XPO5: variants seen among roughly 807,000 people sequenced by gnomAD.
The protein encoded by XPO5 is exportin-5.
XPO5 carries 46 observed loss-of-function variants against 160.6 expected under a neutral mutation model. The ratio of observed to expected loss-of-function variants is 0.29; its 90% CI spans 0.23 to 0.37. The LOEUF (loss-of-function observed/expected upper bound fraction) is 0.37. Ranked by LOEUF, XPO5 falls within the 10% of genes least tolerant of loss-of-function variation. XPO5 has a pLI of 1.00. For missense variants in XPO5, 1,090 were observed against 1,463.9 expected (o/e 0.74, Z 4.17); for synonymous variants, 537 against 519.3 (o/e 1.03, Z -0.46).
rs373758989 is a variant in XPO5, at chr6:43,533,937, T to C, written c.2413A>G (p.Met805Val). The change falls in exon 21 of 32, where the codon ATG becomes GTG. Residue 805 changes from methionine to valine, a missense_variant. By Grantham distance (21) the Met-to-Val change is conservative. Transcript: ENST00000265351. ...MAEPFTKALDMLDAEKSAILG... is the reference protein window; with the variant it reads ...MAEPFTKALDVLDAEKSAILG... ...ATAGCAGATTTTTCCGCGTCAAGCA[T>C]ATCCAGAGCCTTGGTGAAAGGCTCT... The C allele has an allele frequency of 6.8e-6, 11 of 1,606,652 alleles. No homozygotes were observed. The highest frequency in any genetic ancestry group is 2.2e-5 in the East Asian group (1 of 44,542).
chr6:43,554,079 G>A (rs1561878914), intron 13 of XPO5, among the ~76,000 whole-genome samples: 1 of 152,058 alleles, frequency 6.6e-6, no homozygotes, highest in East Asian at 1.9e-4. Flanking sequence ...AAATAGCAAG[G>A]CACAAGCAAA....
At position 43,562,585 on chromosome 6, in the gene XPO5, G is replaced by C. The variant is rs112196753; in HGVS notation, c.912-239C>G. On this transcript the variant is annotated intron_variant, in intron 8 of 31. Coordinates refer to ENST00000265351, the MANE Select transcript of XPO5 (RefSeq NM_020750.3). ...CAATTAATAACTATGAGTGTGAAAA[G>C]CAACTATATTAGCTGTCTTCTGGAG... Among the ~76,000 whole-genome samples the C allele has an allele frequency of 3.5e-4, 54 of 152,298 alleles. 1 individual carries two copies. Among genetic ancestry groups the C allele is most frequent in the Middle Eastern group, 3.4e-3 (1 of 294 alleles).
At position 43,568,733 on chromosome 6, in the gene XPO5, G is replaced by C; in HGVS notation, c.626C>G (p.Thr209Arg). 6.3e-7 allele frequency: 1 copy of C among 1,576,192 alleles called. No homozygotes were observed. Among genetic ancestry groups the C allele is most frequent in the Non-Finnish European group, 8.6e-7 (1 of 1,158,720 alleles). The change falls in exon 6 of 32, where the codon ACA becomes AGA. Residue 209 changes from threonine (T) to arginine (R), a missense_variant. By Grantham distance (71) the Thr-to-Arg change is moderately conservative. This residue lies in a region of XPO5 where 110 missense variants were observed against 97.9 expected (regional missense o/e 1.12). Transcript: ENST00000265351. ...ENVNKYQQVK[T>R]DTSQESKAQA... ...TACCTTTGACTCCTGAGAAGTATCTGTCTTCTGAAAGGAAGTATAAAGATC... is the reference window on the plus strand; with the variant it reads ...TACCTTTGACTCCTGAGAAGTATCTCTCTTCTGAAAGGAAGTATAAAGATC...
rs1454909461 is a variant in XPO5 at position 43,546,477 on chromosome 6, C to T, written c.2342+94G>A. 2.4e-6 allele frequency: 3 copies of T among 1,245,080 alleles called. No homozygotes were observed. The East Asian group carries it at 7.9e-5, about 33-fold the overall frequency. 77.1% of individuals were successfully genotyped at this position (1,245,080 alleles called of 1,614,324 possible). A position where few individuals can be genotyped will look rare whatever the true frequency, so the allele number is the denominator to read the frequency against. On this transcript the variant is annotated intron_variant, in intron 20 of 31. Transcript: ENST00000265351. ...GACTTAAATCAATCCCTCATTAATACCACTAAGATATGAAGACATGTAAAC... is the reference window on the plus strand; with the variant it reads ...GACTTAAATCAATCCCTCATTAATATCACTAAGATATGAAGACATGTAAAC...
At chr6:43,529,239 A>C in intron 23 of XPO5, 6 of 1,389,328 alleles carry the variant, frequency 4.3e-6, no homozygotes, top group Non-Finnish European at 4.8e-6. Flanking sequence ...CATTCTCCTT[A>C]TAATTTCAGG....
Position 43,547,643 on chromosome 6 carries a change from C to G in XPO5, c.2125G>C (p.Gly709Arg). The part of the protein sequence containing the change: ...VGTDQKSCDP[G>R]LEDPCGLNRA... Reference sequence around the variant, plus strand: ...TTTAAGCCACACGGATCCTCCAGGCCTGGGTCACAGCTCTTCTGATCTGTA... The same window carrying G: ...TTTAAGCCACACGGATCCTCCAGGCGTGGGTCACAGCTCTTCTGATCTGTA... The change falls in exon 19 of 32, where the codon GGC becomes CGC. Residue 709 changes from glycine to arginine, a missense_variant. This residue lies in a region of XPO5 where 810 missense variants were observed against 1,139.0 expected (regional missense o/e 0.71). Coordinates refer to ENST00000265351, the MANE Select transcript of XPO5 (RefSeq NM_020750.3). The G allele has an allele frequency of 1.9e-6, 3 of 1,614,046 alleles. No individual in the cohort carries two copies. The highest frequency in any genetic ancestry group is 2.5e-6 in the Non-Finnish European group (3 of 1,179,902).
rs759491157 is a variant in XPO5, at chr6:43,530,748, G to C, written c.2617C>G (p.Leu873Val). 6.2e-7 allele frequency: 1 copy of C among 1,614,024 alleles called. No individual in the cohort carries two copies. Among genetic ancestry groups the C allele is most frequent in the East Asian group, 2.2e-5 (1 of 44,882 alleles). ...YTVEDLATQL[L>V]SSAFVNLNNI... ...TTCAAGTTGACAAAGGCTGAGCTGA[G>C]AAGCTGGGTAGCAAGGTCCTCCACA... The change falls in exon 23 of 32, where the codon CTC (leucine) becomes GTC (valine). Residue 873 changes from leucine (L) to valine (V), a missense_variant. By Grantham distance (32) the Leu-to-Val change is conservative (BLOSUM62 1). Coordinates refer to ENST00000265351, the MANE Select transcript of XPO5 (RefSeq NM_020750.3).
intron 1 of XPO5, among the ~76,000 whole-genome samples, chr6:43,575,012 T>C (rs1448761013): frequency 1.3e-5 from 2 of 152,142 alleles, no homozygotes; most frequent in South Asian, 4.1e-4. Context: ...ACACGTTGTT[T>C]TATGGGCAAG....
intron 20 of XPO5, among the ~76,000 whole-genome samples, chr6:43,538,067 A>G (rs1301225168): frequency 5.8e-5 from 8 of 139,078 alleles, no homozygotes; most frequent in African/African-American, 2.2e-4. Flanking sequence ...CATGGGTGAC[A>G]GAACAAGATG....
chr6:43,554,785 T>C (rs1761959004), intron 13 of XPO5, among the ~76,000 whole-genome samples: 1 of 152,174 alleles, frequency 6.6e-6, no homozygotes, highest in Non-Finnish European at 1.5e-5. Flanking sequence ...AGTTTCATCT[T>C]AGTGCAACAC....
intron 20 of XPO5, among the ~76,000 whole-genome samples, chr6:43,534,631 C>T (rs563715315): frequency 4.6e-5 from 7 of 152,304 alleles, no homozygotes; most frequent in South Asian, 2.1e-4. Context: ...GATGGCTACA[C>T]GTTTAAGATG....
intron 2 of XPO5, among the ~76,000 whole-genome samples, chr6:43,573,235 G>T (rs1020840824): frequency 3.9e-5 from 6 of 152,196 alleles, no homozygotes; most frequent in African/African-American, 1.4e-4. Flanking sequence ...TTGGCTAAAT[G>T]GCAGGTAATA....
At chr6:43,548,526 C>G in intron 17 of XPO5, 66 bp from the exon 18 acceptor site, 1 of 1,367,812 alleles carries the variant, frequency 7.3e-7, no homozygotes, top group South Asian at 1.8e-5. Context: ...AGGTGGCTTA[C>G]TCAAGGAAGA....
intron 11 of XPO5, among the ~76,000 whole-genome samples, chr6:43,559,435 G>A (rs966839121): frequency 4.6e-5 from 7 of 152,208 alleles, no homozygotes; most frequent in African/African-American, 1.4e-4. Flanking sequence ...GCTCTTAGCA[G>A]GGAATTCATG....
intron 7 of XPO5, 123 bp downstream of exon 7, chr6:43,567,046 G>GT: frequency 2.9e-6 from 3 of 1,018,420 alleles, no homozygotes. Context: ...GAAGCAGGCA[G>GT]TAAGTTGGCC....
In XPO5 at chr6:43,575,982, A is replaced by G. The variant is rs933996110; in HGVS notation, c.-118T>C. The G allele has an allele frequency of 7.5e-6, 7 of 934,728 alleles. No homozygotes were observed. In the Admixed American group the frequency reaches 1.1e-4, roughly 14 times the overall value. 57.9% of individuals were successfully genotyped at this position (934,728 alleles called of 1,614,324 possible). On this transcript the variant is annotated 5_prime_UTR_variant, in exon 1 of 32. Coordinates refer to ENST00000265351, the MANE Select transcript of XPO5 (RefSeq NM_020750.3). Reference sequence around the variant, plus strand: ...GCCGCGGCGGGCGGCGGGGGTGGGAAGCTGGAGGAGGAGCGTTAGCAGCAA... The same window carrying G: ...GCCGCGGCGGGCGGCGGGGGTGGGAGGCTGGAGGAGGAGCGTTAGCAGCAA...
intron 9 of XPO5, 29 bp downstream of exon 9, chr6:43,562,218 A>C: frequency 4.5e-6 from 7 of 1,567,684 alleles, no homozygotes; most frequent in Non-Finnish European, 6.1e-6. Context: ...ATGGGCTTGA[A>C]GCTCTCCAGA....
At chr6:43,531,646 C>A in intron 21 of XPO5, 71 bp from the exon 22 acceptor site, 1 of 1,339,928 alleles carries the variant, frequency 7.5e-7, no homozygotes, top group Non-Finnish European at 1.1e-6. Context: ...CACTCTACAG[C>A]AGGAAGCTGT....
At position 43,553,511 on chromosome 6, in the gene XPO5, A is replaced by G; in HGVS notation, c.1442-8T>C. 7.0e-7 allele frequency: 1 copy of G among 1,421,810 alleles called. No homozygotes were observed. The highest frequency in any genetic ancestry group is 1.4e-5 in the South Asian group (1 of 73,990). The allele number at this position is 1,421,810 out of a possible 1,614,324, so 88.1% of individuals were successfully genotyped here. A position where few individuals can be genotyped will look rare whatever the true frequency, so the allele number is the denominator to read the frequency against. On this transcript the variant is annotated splice_region_variant and splice_polypyrimidine_tract_variant and intron_variant, in intron 13 of 31. Coordinates refer to ENST00000265351, the MANE Select transcript of XPO5 (RefSeq NM_020750.3). ...TTCCAACTGCAGAACAAGCTTTAAA[A>G]CACACACACACACATACACACACAC... is the stretch of plus-strand genomic sequence containing the variant.
Sources: gnomAD v4.1 joint callset for allele counts (sites outside exome capture counted in the v4.1 genomes callset) on GRCh38, gnomAD v4.1.1 for gene constraint, gnomAD v4.1.1 regional missense constraint, MANE v1.5 for transcripts, NCBI Gene and HGNC (gene_info 2026-07-23, HGNC 2026-07-21) for gene names.